The following ADAMTSL1 variants were observed in gnomAD, a reference collection of about 807,000 sequenced individuals.
ADAMTSL1 encodes the protein ADAMTS-like protein 1.
Under a neutral mutation model 201.8 loss-of-function variants are expected in ADAMTSL1, and 126 were observed. The observed-to-expected ratio is 0.62, with a 90% confidence interval of 0.54 to 0.72. The LOEUF is 0.72. Among genes scored for constraint, ADAMTSL1 ranks in the 30% least tolerant of loss-of-function variants. ADAMTSL1 has a pLI of 0.00. For synonymous variants in ADAMTSL1, 1,121 were observed against 903.4 expected, an observed-to-expected ratio of 1.24 and a Z score of -4.32; for missense variants, 2,679 against 2,277.8, an observed-to-expected ratio of 1.18 and a Z score of -3.59.
At chr9:18,127,748 T>G (rs1239558866) in intron 1 of ADAMTSL1, among the ~76,000 whole-genome samples, 12 of 152,110 alleles carry the variant, frequency 7.9e-5, no homozygotes, top group Admixed American at 7.2e-4. Context: ...TGTGTGTTGG[T>G]TTGGCAGCAC....
At chr9:18,309,685 G>A (rs1044802641) in intron 2 of ADAMTSL1, among the ~76,000 whole-genome samples, 1 of 151,742 alleles carries the variant, frequency 6.6e-6, no homozygotes, top group African/African-American at 2.4e-5. Context: ...AATAAGAGAG[G>A]ACACAAACAA....
chr9:18,261,876 A>G (rs1358014303), intron 2 of ADAMTSL1, among the ~76,000 whole-genome samples: 15 of 152,206 alleles, frequency 9.9e-5, no homozygotes, highest in Non-Finnish European at 4.4e-5. Context: ...TGGGGTGACA[A>G]AACAGTTTCT....
intron 1 of ADAMTSL1, among the ~76,000 whole-genome samples, chr9:17,967,898 C>T (rs769305284): frequency 6.6e-6 from 1 of 152,178 alleles, no homozygotes; most frequent in African/African-American, 2.4e-5. Context: ...AAAGTCTATT[C>T]GGACTTTGTA....
intron 2 of ADAMTSL1, among the ~76,000 whole-genome samples, chr9:18,211,474 T>A (rs1286400116): frequency 2.0e-5 from 3 of 152,202 alleles, no homozygotes; most frequent in Admixed American, 6.5e-5. Flanking sequence ...TGTTATAGGA[T>A]TTCTTGTTTA....
At chr9:18,756,100 T>A (rs1442821945) in intron 16 of ADAMTSL1, among the ~76,000 whole-genome samples, 1 of 75,694 alleles carries the variant, frequency 1.3e-5, no homozygotes, top group African/African-American at 4.9e-5. Context: ...TATATATATA[T>A]ATATATATAT....
intron 4 of ADAMTSL1, among the ~76,000 whole-genome samples, chr9:18,590,077 A>G (rs1446490383): frequency 6.6e-6 from 1 of 152,034 alleles, no homozygotes; most frequent in Non-Finnish European, 1.5e-5. Flanking sequence ...TGTTGGCCTC[A>G]TTGGATAAGT....
rs76215496 is a variant in ADAMTSL1 at position 18,629,692 on chromosome 9, C to T, written c.602-6251C>T. Among the ~76,000 whole-genome samples, 965 of 152,136 alleles carry T rather than the reference C, an allele frequency of 6.3e-3. 18 individuals are homozygous for T. Among genetic ancestry groups the T allele is most frequent in the African/African-American group, 0.022 (906 of 41,528 alleles). On this transcript the variant is annotated intron_variant, in intron 5 of 28. Coordinates refer to ENST00000380548, the MANE Select transcript of ADAMTSL1 (RefSeq NM_001040272.6). ...GTGTTCATGAGAGATACTGGTCTGT[C>T]GTATTCTTTTTTGTATTGTCTTTGT...
chr9:18,089,563 A>G (rs1263731623), intron 1 of ADAMTSL1, among the ~76,000 whole-genome samples: 1 of 152,180 alleles, frequency 6.6e-6, no homozygotes, highest in Non-Finnish European at 1.5e-5. Flanking sequence ...GTGTATACAC[A>G]TGTAACAAAC....
chr9:18,656,641 A>AG (rs1378320235), intron 7 of ADAMTSL1, among the ~76,000 whole-genome samples: 1 of 151,694 alleles, frequency 6.6e-6, no homozygotes, highest in Non-Finnish European at 1.5e-5. Context: ...AAAAAAAAAA[A>AG]AAAAGAAAAT....
At chr9:18,427,479 C>T (rs1015833943) in intron 2 of ADAMTSL1, among the ~76,000 whole-genome samples, 3 of 152,172 alleles carry the variant, frequency 2.0e-5, no homozygotes, top group African/African-American at 7.2e-5. Context: ...TCACCATAAA[C>T]AGATATTATA....
intron 2 of ADAMTSL1, among the ~76,000 whole-genome samples, chr9:18,442,878 A>G (rs979884207): frequency 6.6e-6 from 1 of 152,198 alleles, no homozygotes; most frequent in Non-Finnish European, 1.5e-5. Context: ...GGAAAAGCAA[A>G]TAGGATTTAA....
At chr9:18,088,066 T>A (rs995727805) in intron 1 of ADAMTSL1, among the ~76,000 whole-genome samples, 2 of 152,064 alleles carry the variant, frequency 1.3e-5, no homozygotes, top group African/African-American at 4.8e-5. Context: ...TACAGACCAA[T>A]GGAACAGAAT....
intron 2 of ADAMTSL1, among the ~76,000 whole-genome samples, chr9:18,447,354 T>C (rs1259375431): frequency 6.6e-6 from 1 of 152,196 alleles, no homozygotes; most frequent in African/African-American, 2.4e-5. Flanking sequence ...GGTTTGGTGC[T>C]TGCTTTATTT....
At chr9:18,325,664 G>A (rs951961407) in intron 2 of ADAMTSL1, among the ~76,000 whole-genome samples, 1 of 152,082 alleles carries the variant, frequency 6.6e-6, no homozygotes. Context: ...GAGTATCCTT[G>A]CTGCATTCTC....
intron 9 of ADAMTSL1, among the ~76,000 whole-genome samples, chr9:18,668,849 G>A (rs947569357): frequency 6.6e-6 from 1 of 152,160 alleles, no homozygotes; most frequent in Non-Finnish European, 1.5e-5. Flanking sequence ...CAGTCCCTAG[G>A]TTAGCGGGCT....
chr9:18,002,427 AT>A (rs1819649970), intron 1 of ADAMTSL1, among the ~76,000 whole-genome samples: 1 of 152,078 alleles, frequency 6.6e-6, no homozygotes, highest in East Asian at 1.9e-4. Flanking sequence ...TTAAAGGGCT[AT>A]GATAGATAGT....
chr9:17,974,760 A>G (rs1324763265), intron 1 of ADAMTSL1, among the ~76,000 whole-genome samples: 4 of 152,006 alleles, frequency 2.6e-5, no homozygotes, highest in Non-Finnish European at 5.9e-5. Flanking sequence ...TGTATATCAT[A>G]TTTTACTAAT....
intron 2 of ADAMTSL1, among the ~76,000 whole-genome samples, chr9:18,514,442 G>T (rs1182728929): frequency 6.8e-6 from 1 of 146,616 alleles, no homozygotes; most frequent in Non-Finnish European, 1.5e-5. Flanking sequence ...CCATTCTCCT[G>T]CCTCAGCCTC....
intron 3 of ADAMTSL1, among the ~76,000 whole-genome samples, chr9:18,546,249 T>G (rs777810249): frequency 1.9e-4 from 29 of 152,120 alleles, no homozygotes; most frequent in Non-Finnish European, 3.8e-4. Flanking sequence ...TTCAACTCAG[T>G]TGAGAGTTTT....
Sources: allele counts gnomAD v4.1 joint callset (sites outside exome capture counted in the v4.1 genomes callset), GRCh38; gene constraint gnomAD v4.1.1; transcripts MANE v1.5; gene names NCBI Gene and HGNC (gene_info 2026-07-23, HGNC 2026-07-21).